The following PRLR variants were observed in gnomAD, a reference collection of about 807,000 sequenced individuals.
PRLR encodes hPRL receptor.
In PRLR, 13 loss-of-function variants were observed where a neutral mutation model predicts 40.2. The observed-to-expected ratio is 0.32, with a 90% CI of 0.21 to 0.51. The LOEUF is 0.51. PRLR is among the 20% of genes least tolerant of loss of function. The probability of loss-of-function intolerance (pLI) is 0.97; values close to 1 mark genes in which losing one functional copy is unlikely to be tolerated. For synonymous variants in PRLR, 269 were observed against 278.7 expected, an observed-to-expected ratio of 0.97 and a Z score of 0.35; for missense variants, 656 against 747.3, an observed-to-expected ratio of 0.88 and a Z score of 1.42.
At chr5:35,091,630 C>T (rs1771217427) in intron 2 of PRLR, among the ~76,000 whole-genome samples, 1 of 152,150 alleles carries the variant, frequency 6.6e-6, no homozygotes, top group Admixed American at 6.5e-5. Context: ...GTGGAGACAA[C>T]AGCCACTGAC....
intron 1 of PRLR, among the ~76,000 whole-genome samples, chr5:35,194,563 C>T (rs917416553): frequency 6.6e-6 from 1 of 152,194 alleles, no homozygotes; most frequent in Non-Finnish European, 1.5e-5. Context: ...TACAGTACAT[C>T]CATACAATGG....
At chr5:35,227,903 T>G (rs950417462) in intron 1 of PRLR, among the ~76,000 whole-genome samples, 2 of 152,198 alleles carry the variant, frequency 1.3e-5, no homozygotes, top group Admixed American at 1.3e-4. Context: ...AAAAGAGAAC[T>G]GAGAGACAGG....
chr5:35,105,457 C>T (rs371192475), intron 2 of PRLR, among the ~76,000 whole-genome samples: 22 of 152,220 alleles, frequency 1.4e-4, no homozygotes, highest in Admixed American at 2.6e-4. Flanking sequence ...TCAAACCCAT[C>T]GCAAAGAAGC....
At position 35,084,501 on chromosome 5, in the gene PRLR, C is replaced by A; in HGVS notation, c.342G>T (p.Ser114=). ...AAGTCACGTCCACATAAAGTTCATC[C>A]GAGAAACTGCTTCCCATCTGGTTAG... is the stretch of plus-strand genomic sequence containing the variant. ...NATNQMGSSF[S]DELYVDVTYI... The change falls in exon 5 of 10, where the codon TCG becomes TCT. Residue 114 remains serine, a synonymous_variant. Transcript: ENST00000618457. The A allele has an allele frequency of 1.3e-6, 2 of 1,577,422 alleles. No homozygotes were observed. Among genetic ancestry groups the A allele is most frequent in the Non-Finnish European group, 1.7e-6 (2 of 1,168,418 alleles).
At chr5:35,207,699 C>T (rs549916904) in intron 1 of PRLR, among the ~76,000 whole-genome samples, 4 of 151,726 alleles carry the variant, frequency 2.6e-5, no homozygotes. Context: ...ATAAAAACAT[C>T]TTATTCTCCA....
rs1410192384 is a variant in PRLR, at chr5:35,057,521, G to A, written c.*7568C>T. Reference sequence around the variant, plus strand: ...GGGATGTCTAAGATTTTGTTTGGCAGGCATTGGTTTTGGCATGCAGTAAAA... The same window carrying A: ...GGGATGTCTAAGATTTTGTTTGGCAAGCATTGGTTTTGGCATGCAGTAAAA... On this transcript the variant is annotated 3_prime_UTR_variant, in exon 10 of 10. Coordinates refer to ENST00000618457, the MANE Select transcript of PRLR (RefSeq NM_000949.7). 6.6e-6 allele frequency: 1 copy of A among 152,114 alleles called. No homozygotes were observed. The highest frequency in any genetic ancestry group is 1.5e-5 in the Non-Finnish European group (1 of 68,000). The allele number at this position is 152,114 out of a possible 1,614,324, so 9.4% of individuals were successfully genotyped here.
At chr5:35,149,238 T>A (rs919212037) in intron 1 of PRLR, among the ~76,000 whole-genome samples, 2 of 152,140 alleles carry the variant, frequency 1.3e-5, no homozygotes, top group Non-Finnish European at 2.9e-5. Flanking sequence ...GGAGTTAAAG[T>A]TATCAGAATG....
chr5:35,075,915 C>T (rs1477903958), intron 5 of PRLR, among the ~76,000 whole-genome samples: 1 of 152,170 alleles, frequency 6.6e-6, no homozygotes, highest in African/African-American at 2.4e-5. Context: ...CTGGTGATAC[C>T]CAGGCAAACA....
chr5:35,184,826 C>T (rs1217204264), intron 1 of PRLR, among the ~76,000 whole-genome samples: 1 of 152,242 alleles, frequency 6.6e-6, no homozygotes, highest in Non-Finnish European at 1.5e-5. Flanking sequence ...CACAAGGCAG[C>T]TGTGAAGTCA....
intron 5 of PRLR, among the ~76,000 whole-genome samples, chr5:35,075,691 G>T (rs1318706041): frequency 6.6e-6 from 1 of 152,192 alleles, no homozygotes; most frequent in Non-Finnish European, 1.5e-5. Context: ...AGAGAGTAGT[G>T]GTTCTCCCAG....
chr5:35,075,225 G>A (rs530280010), intron 5 of PRLR, among the ~76,000 whole-genome samples: 12 of 152,218 alleles, frequency 7.9e-5, no homozygotes, highest in South Asian at 2.1e-4. Flanking sequence ...AGCGTGAGGC[G>A]AAGCAGGGCA....
chr5:35,101,347 C>T lies in PRLR; in HGVS notation c.-43-11684G>A, dbSNP rs372239251. ...CATTAATCAACAGGCTCTCCATATT[C>T]CTAAGGGATAGGTTCTGAGACCTTC... On this transcript the variant is annotated intron_variant, in intron 2 of 9. Transcript: ENST00000618457. 3.3e-5 allele frequency among the ~76,000 whole-genome samples: 5 copies of T among 152,280 alleles called. No individual in the cohort carries two copies. In the South Asian group the frequency reaches 8.3e-4, roughly 25 times the overall value.
At chr5:35,116,730 C>G (rs1353996808) in intron 2 of PRLR, among the ~76,000 whole-genome samples, 1 of 152,178 alleles carries the variant, frequency 6.6e-6, no homozygotes, top group Non-Finnish European at 1.5e-5. Context: ...CCAGATGCTC[C>G]TGGGCAGGGC....
intron 1 of PRLR, among the ~76,000 whole-genome samples, chr5:35,122,481 T>A (rs1174068501): frequency 6.6e-6 from 1 of 152,202 alleles, no homozygotes; most frequent in Admixed American, 6.5e-5. Context: ...CAGCTCCCAC[T>A]TATAAGTGAG....
rs891119309 is a variant in PRLR, at chr5:35,058,786, T to C, written c.*6303A>G. The stretch of plus-strand genomic sequence containing the variant: ...TATTTTTGAACCACATAAAGCAATA[T>C]AGTACAAAATAATGTAACAGTTACT... On this transcript the variant is annotated 3_prime_UTR_variant, in exon 10 of 10. Coordinates refer to ENST00000618457, the MANE Select transcript of PRLR (RefSeq NM_000949.7). 1.3e-5 allele frequency: 2 copies of C among 152,126 alleles called. No individual in the cohort carries two copies. Among genetic ancestry groups the C allele is most frequent in the African/African-American group, 4.8e-5 (2 of 41,414 alleles). 9.4% of individuals were successfully genotyped at this position (152,126 alleles called of 1,614,324 possible).
Position 35,057,118 on chromosome 5 carries a change from C to T in PRLR, c.*7971G>A, listed in dbSNP as rs1243528507. 2 of 152,124 alleles carry T rather than the reference C, an allele frequency of 1.3e-5. No homozygotes were observed. The highest frequency in any genetic ancestry group is 4.8e-5 in the African/African-American group (2 of 41,420). The allele number at this position is 152,124 out of a possible 1,614,324, so 9.4% of individuals were successfully genotyped here. A position where few individuals can be genotyped will look rare whatever the true frequency, so the allele number is the denominator to read the frequency against. ...AAATGCTTTGGTTCTTCCTTTATTTCACAATATTTAAATAAGCTTCTCTTA... is the reference window on the plus strand; with the variant it reads ...AAATGCTTTGGTTCTTCCTTTATTTTACAATATTTAAATAAGCTTCTCTTA... On this transcript the variant is annotated 3_prime_UTR_variant, in exon 10 of 10. Coordinates refer to ENST00000618457, the MANE Select transcript of PRLR (RefSeq NM_000949.7).
chr5:35,189,913 T>C (rs554997099), intron 1 of PRLR, among the ~76,000 whole-genome samples: 11 of 152,304 alleles, frequency 7.2e-5, no homozygotes, highest in Admixed American at 7.2e-4. Flanking sequence ...CGCACAGCTT[T>C]GGGGCAGCAG....
intron 1 of PRLR, among the ~76,000 whole-genome samples, chr5:35,196,841 G>C (rs1330146075): frequency 6.6e-6 from 1 of 152,210 alleles, no homozygotes; most frequent in Non-Finnish European, 1.5e-5. Context: ...AGTTCTGGAG[G>C]CTGGAAGTCT....
intron 4 of PRLR, among the ~76,000 whole-genome samples, chr5:35,084,885 A>G (rs1352205312): frequency 2.0e-5 from 3 of 152,012 alleles, no homozygotes; most frequent in Non-Finnish European, 2.9e-5. Flanking sequence ...CTTCCTTTCT[A>G]TAAGTGTTCT....
Sources: gnomAD v4.1 joint callset for allele counts (sites outside exome capture counted in the v4.1 genomes callset) on GRCh38, gnomAD v4.1.1 for gene constraint, MANE v1.5 for transcripts, NCBI Gene and HGNC (gene_info 2026-07-23, HGNC 2026-07-21) for gene names.